CYRIB: variants seen among roughly 807,000 people sequenced by gnomAD.
The protein encoded by CYRIB is CYFIP related Rac1 interactor B.
In CYRIB, 8 loss-of-function variants were observed where a neutral mutation model predicts 44.2. That is an observed-to-expected ratio of 0.18 (90% CI 0.11 to 0.33). CYRIB has a LOEUF of 0.33. Among genes scored for constraint, CYRIB ranks in the 10% least tolerant of loss-of-function variants. CYRIB has a pLI of 1.00. For missense variants in CYRIB, 185 were observed against 382.8 expected, an observed-to-expected ratio of 0.48 and a Z score of 4.31; for synonymous variants, 131 against 127.2, an observed-to-expected ratio of 1.03 and a Z score of -0.20.
chr8:129,896,308 G>A (rs1052150326), intron 2 of CYRIB, among the ~76,000 whole-genome samples: 2 of 152,182 alleles, frequency 1.3e-5, no homozygotes, highest in Non-Finnish European at 2.9e-5. Context: ...TAATAAATTA[G>A]GGACTAAGTT....
intron 1 of CYRIB, among the ~76,000 whole-genome samples, chr8:130,002,394 G>A (rs1287996926): frequency 2.0e-5 from 3 of 152,030 alleles, no homozygotes; most frequent in East Asian, 1.9e-4. Context: ...CAGAGAGGTC[G>A]AGGCTGCAGT....
intron 1 of CYRIB, among the ~76,000 whole-genome samples, chr8:129,987,568 CTTTTTT>C (rs34876735): frequency 7.9e-6 from 1 of 127,024 alleles, no homozygotes; most frequent in East Asian, 2.2e-4. Flanking sequence ...TTTTTTTTTT[CTTTTTT>C]TTTTTTTTTT....
At chr8:129,988,867 C>A (rs2096551169) in intron 1 of CYRIB, among the ~76,000 whole-genome samples, 1 of 151,912 alleles carries the variant, frequency 6.6e-6, no homozygotes, top group Non-Finnish European at 1.5e-5. Flanking sequence ...AAGAAAACTT[C>A]TCTCAACGCT....
intron 3 of CYRIB, among the ~76,000 whole-genome samples, chr8:129,877,663 G>GGTGTGTGTGTGTGTGTGTGTGT (rs5895011): frequency 7.7e-6 from 1 of 130,684 alleles, no homozygotes; most frequent in African/African-American, 3.3e-5. Flanking sequence ...AAAAAAAAAA[G>GGTGTGTGTGTGTGTGTGTGTGT]GTGTGTGTGT....
intron 4 of CYRIB, 152 bp downstream of exon 6, chr8:129,871,223 C>A: frequency 1.2e-6 from 1 of 836,746 alleles, no homozygotes. Context: ...GCTCATTTCA[C>A]TGCAATCACT....
At position 129,850,812 on chromosome 8, in the gene CYRIB, G is replaced by T. The variant is rs768301067; in HGVS notation, c.713+23C>A. 3.2e-5 allele frequency: 51 copies of T among 1,570,846 alleles called. No homozygotes were observed. In the Admixed American group the frequency reaches 8.6e-4, roughly 26 times the overall value. ...GTCATCTCAACAGCACTGTTAAAGTGAAAAAGATCAGCTGATACTCACGGT... is the reference window on the plus strand; with the variant it reads ...GTCATCTCAACAGCACTGTTAAAGTTAAAAAGATCAGCTGATACTCACGGT... On this transcript the variant is annotated intron_variant, in intron 9 of 11. Coordinates refer to ENST00000519824, the Ensembl canonical transcript of CYRIB.
chr8:129,950,955 C>T (rs983979592), intron 2 of CYRIB, among the ~76,000 whole-genome samples: 7 of 152,224 alleles, frequency 4.6e-5, no homozygotes, highest in African/African-American at 1.7e-4. Flanking sequence ...TGTTTCCTCA[C>T]CTCAGAAATG....
At chr8:129,977,911 A>G (rs2096024646) in intron 1 of CYRIB, among the ~76,000 whole-genome samples, 1 of 151,616 alleles carries the variant, frequency 6.6e-6, no homozygotes, top group African/African-American at 2.4e-5. Flanking sequence ...TATTAATTTT[A>G]TTGATTTATT....
chr8:130,006,666 A>G lies in CYRIB; in HGVS notation c.-296+9704T>C, dbSNP rs74186535. 2.5e-3 allele frequency among the ~76,000 whole-genome samples: 236 copies of G among 92,738 alleles called. 51 individuals are homozygous for G. The East Asian group carries it at 0.062, about 25-fold the overall frequency. The allele number at this position is 92,738 out of a possible 152,430, so 60.8% of individuals were successfully genotyped here. ...TATATATATACATATATATATGTAT[A>G]TATATATGTATATATATACACACAT... On this transcript the variant is annotated intron_variant, in intron 1 of 14. Coordinates refer to the CYRIB transcript ENST00000401979.
At chr8:129,945,990 A>ACAAT (rs1017529978) in intron 2 of CYRIB, among the ~76,000 whole-genome samples, 1 of 152,234 alleles carries the variant, frequency 6.6e-6, no homozygotes, top group African/African-American at 2.4e-5. Flanking sequence ...TGGAGATAAG[A>ACAAT]CAATCTACTT....
At chr8:129,911,180 A>G (rs1241299405) in intron 1 of CYRIB, among the ~76,000 whole-genome samples, 1 of 152,160 alleles carries the variant, frequency 6.6e-6, no homozygotes, top group Non-Finnish European at 1.5e-5. Context: ...AGTACTTCCT[A>G]TGTTTTAGAC....
intron 5 of CYRIB, among the ~76,000 whole-genome samples, chr8:129,858,399 A>G (rs564482451): frequency 6.6e-6 from 1 of 152,342 alleles, no homozygotes; most frequent in Admixed American, 6.5e-5. Flanking sequence ...AAAACCACAG[A>G]AGGAGGTTGC....
chr8:129,880,694 T>C, intron 2 of CYRIB, among the ~76,000 whole-genome samples: 1 of 152,218 alleles, frequency 6.6e-6, no homozygotes, highest in East Asian at 1.9e-4. Context: ...GATTAGATTT[T>C]GACATATAAC....
chr8:129,997,933 C>T (rs1447311612), intron 1 of CYRIB, among the ~76,000 whole-genome samples: 1 of 151,920 alleles, frequency 6.6e-6, no homozygotes, highest in Non-Finnish European at 1.5e-5. Flanking sequence ...CCATCCTGGC[C>T]AACATGGTGA....
At chr8:129,935,145 T>C (rs1275493414) in intron 1 of CYRIB, among the ~76,000 whole-genome samples, 1 of 152,218 alleles carries the variant, frequency 6.6e-6, no homozygotes, top group South Asian at 2.1e-4. Context: ...ACATATTACG[T>C]CACATTATGA....
intron 1 of CYRIB, among the ~76,000 whole-genome samples, chr8:129,917,770 T>C (rs1239070609): frequency 1.3e-5 from 2 of 152,056 alleles, no homozygotes; most frequent in Admixed American, 6.6e-5. Context: ...GACAGGAGAA[T>C]TGCTTGAACC....
Position 129,974,117 on chromosome 8 carries a change from C to A in CYRIB, c.-295-3122G>T, listed in dbSNP as rs569185269. Among the ~76,000 whole-genome samples, 21 of 152,278 alleles carry A rather than the reference C, an allele frequency of 1.4e-4. No homozygotes were observed. The East Asian group carries it at 3.9e-3, about 28-fold the overall frequency. On this transcript the variant is annotated intron_variant, in intron 1 of 14. Coordinates refer to the CYRIB transcript ENST00000401979. ...GAGGCCAAGGCAGGAGACCCAGAAT[C>A]CAGCCGACCCAACACTCCTCCCCAC...
At chr8:129,881,057 T>C (rs576735265) in intron 2 of CYRIB, among the ~76,000 whole-genome samples, 22 of 152,326 alleles carry the variant, frequency 1.4e-4, no homozygotes, top group African/African-American at 5.3e-4. Flanking sequence ...TATACACAAC[T>C]ATACCATGTA....
At chr8:129,873,950 A>G (rs1156545444) in intron 3 of CYRIB, among the ~76,000 whole-genome samples, 1 of 152,072 alleles carries the variant, frequency 6.6e-6, no homozygotes, top group African/African-American at 2.4e-5. Flanking sequence ...GAAGACTGCT[A>G]TAGAAATGAA....
Sources: gnomAD v4.1 joint callset for allele counts (sites outside exome capture counted in the v4.1 genomes callset) on GRCh38, gnomAD v4.1.1 for gene constraint, MANE v1.5 for transcripts, NCBI Gene and HGNC (gene_info 2026-07-23, HGNC 2026-07-21) for gene names.